Variants in ARMC8 observed in about 807,000 individuals in gnomAD.
The protein encoded by ARMC8 is armadillo repeat containing 8, also known as armadillo repeat-containing protein 8.
ARMC8 carries 20 observed loss-of-function variants against 99.3 expected under a neutral mutation model. That is an observed-to-expected ratio of 0.20 (90% CI 0.14 to 0.29). The LOEUF (loss-of-function observed/expected upper bound fraction) is 0.29. Ranked by LOEUF, ARMC8 falls within the 10% of genes least tolerant of loss-of-function variation. The probability of loss-of-function intolerance (pLI) is 1.00; values close to 1 mark genes in which losing one functional copy is unlikely to be tolerated. For missense variants in ARMC8, 569 were observed against 809.5 expected (o/e 0.70, Z 3.60); for synonymous variants, 263 against 278.3 (o/e 0.95, Z 0.55).
chr3:138,235,283 A>AT (rs2046271656), intron 7 of ARMC8, among the ~76,000 whole-genome samples, 169 bp downstream of exon 7: 1 of 152,048 alleles, frequency 6.6e-6, no homozygotes, highest in Non-Finnish European at 1.5e-5. Flanking sequence ...AAAAAAAAAA[A>AT]AAAAGCTGCC....
chr3:138,260,004 C>T (rs545425193), intron 12 of ARMC8, among the ~76,000 whole-genome samples: 1 of 152,314 alleles, frequency 6.6e-6, no homozygotes, highest in Admixed American at 6.5e-5. Context: ...AGCACTGAAA[C>T]ACTTAAATTA....
chr3:138,253,463 T>C (rs372358300), intron 12 of ARMC8, among the ~76,000 whole-genome samples: 1 of 152,346 alleles, frequency 6.6e-6, no homozygotes. Flanking sequence ...TTTTAACTAT[T>C]ACATCACTTT....
intron 1 of ARMC8, among the ~76,000 whole-genome samples, chr3:138,206,914 G>T (rs2044401655): frequency 6.6e-6 from 1 of 152,202 alleles, no homozygotes; most frequent in Non-Finnish European, 1.5e-5. Context: ...TTAAATGCAA[G>T]GCTCTGCCTT....
chr3:138,188,174 C>T (rs2043179667), intron 1 of ARMC8: 1 of 302,788 alleles, frequency 3.3e-6, no homozygotes, highest in African/African-American at 2.1e-5. Flanking sequence ...GCAACTCTTC[C>T]TAGTGTGTGT....
At chr3:138,215,224 C>CT (rs1041653338) in intron 2 of ARMC8, among the ~76,000 whole-genome samples, 121 of 147,912 alleles carry the variant, frequency 8.2e-4, no homozygotes, top group African/African-American at 1.8e-3. Context: ...CTTTTCTTTT[C>CT]TTTTTTTTTT....
chr3:138,237,685 A>G, intron 9 of ARMC8, 113 bp downstream of exon 9: 1 of 841,672 alleles, frequency 1.2e-6, no homozygotes, highest in Admixed American at 3.0e-5. Context: ...GAGATTTTGA[A>G]ATTTGAAAGT....
chr3:138,235,272 T>TAA (rs35705979), intron 7 of ARMC8, among the ~76,000 whole-genome samples, 158 bp downstream of exon 7: 5 of 139,486 alleles, frequency 3.6e-5, no homozygotes, highest in Admixed American at 7.2e-5. Context: ...GAATGCTCTT[T>TAA]AAAAAAAAAA....
chr3:138,205,452 T>G (rs1397582322), intron 1 of ARMC8, among the ~76,000 whole-genome samples: 2 of 152,200 alleles, frequency 1.3e-5, no homozygotes, highest in Non-Finnish European at 2.9e-5. Context: ...TTTTATAACT[T>G]CAGCACTTAC....
intron 12 of ARMC8, chr3:138,262,599 A>G (rs1465411483): frequency 2.2e-6 from 2 of 909,366 alleles, no homozygotes; most frequent in African/African-American, 3.5e-5. Context: ...GAGGAGATTA[A>G]AAAAAAAAAA....
intron 10 of ARMC8, among the ~76,000 whole-genome samples, chr3:138,240,820 G>A (rs1335481196): frequency 1.3e-5 from 2 of 152,082 alleles, no homozygotes; most frequent in South Asian, 2.1e-4. Context: ...AAGTGGATCC[G>A]TCAGGCTTAG....
chr3:138,230,080 C>T (rs2045955053), intron 6 of ARMC8, among the ~76,000 whole-genome samples: 1 of 152,160 alleles, frequency 6.6e-6, no homozygotes, highest in African/African-American at 2.4e-5. Flanking sequence ...CTATTCAGTA[C>T]TATTTAAGAT....
At chr3:138,289,934 C>T (rs1285245917) in intron 20 of ARMC8, among the ~76,000 whole-genome samples, 1 of 152,052 alleles carries the variant, frequency 6.6e-6, no homozygotes, top group African/African-American at 2.4e-5. Context: ...CAGCAGCGCC[C>T]AAAACAAAGT....
intron 1 of ARMC8, among the ~76,000 whole-genome samples, chr3:138,204,411 G>C (rs1039920601): frequency 6.6e-6 from 1 of 152,122 alleles, no homozygotes; most frequent in Non-Finnish European, 1.5e-5. Flanking sequence ...CAATGAATAA[G>C]CATGCTCCAA....
chr3:138,251,074 C>G (rs995555445), intron 12 of ARMC8, among the ~76,000 whole-genome samples: 1 of 151,984 alleles, frequency 6.6e-6, no homozygotes, highest in Non-Finnish European at 1.5e-5. Context: ...TCACTTGAGC[C>G]CAGAAGGTCG....
At chr3:138,285,052 G>T (rs761414701) in intron 19 of ARMC8, among the ~76,000 whole-genome samples, 1 of 152,166 alleles carries the variant, frequency 6.6e-6, no homozygotes, top group Non-Finnish European at 1.5e-5. Context: ...TCTAATCATG[G>T]AGGAAGCCTC....
chr3:138,267,453 A>G (rs1422372276), intron 15 of ARMC8, among the ~76,000 whole-genome samples: 1 of 152,242 alleles, frequency 6.6e-6, no homozygotes, highest in Non-Finnish European at 1.5e-5. Flanking sequence ...TATCTAACAT[A>G]TTCAGCTTAT....
intron 12 of ARMC8, among the ~76,000 whole-genome samples, chr3:138,257,650 T>G (rs2047473113): frequency 6.6e-6 from 1 of 152,142 alleles, no homozygotes; most frequent in Admixed American, 6.5e-5. Context: ...GATCTTGGGT[T>G]TATAGTGCTC....
At chr3:138,220,836 C>T (rs534259275) in intron 2 of ARMC8, among the ~76,000 whole-genome samples, 2 of 151,862 alleles carry the variant, frequency 1.3e-5, no homozygotes, top group South Asian at 2.1e-4. Flanking sequence ...ACCACAAGTG[C>T]GTGCCACCAC....
chr3:138,201,447 T>C (rs1308812598), intron 1 of ARMC8, among the ~76,000 whole-genome samples: 3 of 38,870 alleles, frequency 7.7e-5, no homozygotes, highest in East Asian at 7.1e-4. Flanking sequence ...TTTTTTTTTT[T>C]TTTTTTTTTT....
Sources: allele counts gnomAD v4.1 joint callset (sites outside exome capture counted in the v4.1 genomes callset), GRCh38; gene constraint gnomAD v4.1.1; transcripts MANE v1.5; gene names NCBI Gene and HGNC (gene_info 2026-07-23, HGNC 2026-07-21).